The following STK32C variants were observed in gnomAD, a reference collection of about 807,000 sequenced individuals.
STK32C encodes the protein serine/threonine-protein kinase 32C.
Under a neutral mutation model 56.5 loss-of-function variants are expected in STK32C, and 31 were observed. That is an observed-to-expected ratio of 0.55 (90% CI 0.41 to 0.74). The LOEUF (loss-of-function observed/expected upper bound fraction) is 0.74, where lower values mean the gene tolerates loss of function less well. Ranked by LOEUF, STK32C falls within the 30% of genes least tolerant of loss-of-function variation. STK32C has a pLI of 0.00. For missense variants in STK32C, 544 were observed against 676.9 expected (o/e 0.80, Z 2.18); for synonymous variants, 309 against 289.4 (o/e 1.07, Z -0.69).
At chr10:132,224,546 G>C in intron 7 of STK32C, 23 bp from the exon 8 acceptor site, 1 of 1,560,004 alleles carries the variant, frequency 6.4e-7, no homozygotes, top group Non-Finnish European at 8.7e-7. Context: ...AGGCAGTGCT[G>C]GGCAGGTCCT....
chr10:132,292,331 G>A (rs561688844), intron 1 of STK32C, among the ~76,000 whole-genome samples: 3 of 152,198 alleles, frequency 2.0e-5, no homozygotes, highest in South Asian at 2.1e-4. Context: ...CCTGGGTATC[G>A]GCCTCGGCCT....
intron 10 of STK32C, among the ~76,000 whole-genome samples, chr10:132,210,523 C>T (rs1033591390): frequency 1.3e-5 from 2 of 152,238 alleles, no homozygotes; most frequent in Admixed American, 1.3e-4. Context: ...GCTGAGATTA[C>T]AGGCGTGAGC....
chr10:132,241,314 C>T (rs1218849860), intron 2 of STK32C, among the ~76,000 whole-genome samples: 1 of 152,218 alleles, frequency 6.6e-6, no homozygotes, highest in East Asian at 1.9e-4. Flanking sequence ...GGCTCAGGGC[C>T]AGGCAGTGGC....
At chr10:132,297,752 C>T (rs1396762536) in intron 1 of STK32C, among the ~76,000 whole-genome samples, 6 of 152,268 alleles carry the variant, frequency 3.9e-5, no homozygotes, top group Non-Finnish European at 2.9e-5. Context: ...GCCAGAGCTC[C>T]GAGACTCCCC....
At chr10:132,227,505 C>A (rs1003471496) in intron 3 of STK32C, among the ~76,000 whole-genome samples, 1 of 150,910 alleles carries the variant, frequency 6.6e-6, no homozygotes, top group African/African-American at 2.4e-5. Context: ...TGATTGTGGT[C>A]GTGGTGGTGG....
rs530314538 is a variant in STK32C at position 132,330,508 on chromosome 10, T to A, written c.301+928A>T. ...TTCCTGATTGGTAGATAGTTGGGTA[T>A]GTACGAAAACTTTTTTTTTGAGACA... On this transcript the variant is annotated intron_variant, in intron 1 of 1. Transcript: ENST00000368619. 14 of 716,948 alleles carry A rather than the reference T, an allele frequency of 2.0e-5. No homozygotes were observed. The South Asian group carries it at 2.1e-4, about 11-fold the overall frequency. 44.4% of individuals were successfully genotyped at this position (716,948 alleles called of 1,614,324 possible). A position where few individuals can be genotyped will look rare whatever the true frequency, so the allele number is the denominator to read the frequency against.
rs562333856 is a variant in STK32C, at chr10:132,213,836, G to A, written c.1252-4735C>T. 1.4e-3 allele frequency among the ~76,000 whole-genome samples: 215 copies of A among 152,314 alleles called. 1 individual carries two copies. Among genetic ancestry groups the A allele is most frequent in the Non-Finnish European group, 2.0e-3 (134 of 68,032 alleles). On this transcript the variant is annotated intron_variant, in intron 10 of 11. Coordinates refer to ENST00000298630, the MANE Select transcript of STK32C (RefSeq NM_173575.4). The stretch of plus-strand genomic sequence containing the variant: ...TGGAAACTCCAAGGAGGGATCAAAA[G>A]GAAATGCTGGAAGTAGAAAACACTG...
At chr10:132,249,811 A>AC (rs2063832883) in intron 1 of STK32C, among the ~76,000 whole-genome samples, 1 of 152,142 alleles carries the variant, frequency 6.6e-6, no homozygotes, top group Non-Finnish European at 1.5e-5. Flanking sequence ...GCCATCAGCA[A>AC]CCCATGAGGG....
At chr10:132,328,011 A>G (rs2066533161) in intron 1 of STK32C, among the ~76,000 whole-genome samples, 1 of 152,114 alleles carries the variant, frequency 6.6e-6, no homozygotes, top group Admixed American at 6.6e-5. Context: ...GGGCTGGAAT[A>G]AGTCTCTTGC....
In STK32C at chr10:132,226,014, C is replaced by T. The variant is rs370411718; in HGVS notation, c.645-230G>A. 4.9e-4 allele frequency among the ~76,000 whole-genome samples: 74 copies of T among 152,370 alleles called. 1 individual carries two copies. The highest frequency in any genetic ancestry group is 1.4e-3 in the African/African-American group (57 of 41,592). On this transcript the variant is annotated intron_variant, in intron 4 of 11. Transcript: ENST00000298630. ...CCTGTGGCATCTGGGCAGCAGCACA[C>T]ACCTGGCACCAGATGCTGGGAGGGG...
At chr10:132,224,004 G>A (rs2062779962) in intron 8 of STK32C, among the ~76,000 whole-genome samples, 1 of 152,218 alleles carries the variant, frequency 6.6e-6, no homozygotes, top group African/African-American at 2.4e-5. Context: ...GAGGCACTGG[G>A]GCAAAGGGTC....
rs546765609 is a variant in STK32C at position 132,210,609 on chromosome 10, C to T, written c.1252-1508G>A. ...GTACTCTGGACACCCTGTAAACCCA[C>T]GAACAGAGTGTGGGAGATGCAGAAG... On this transcript the variant is annotated intron_variant, in intron 10 of 11. Coordinates refer to ENST00000298630, the MANE Select transcript of STK32C (RefSeq NM_173575.4). Among the ~76,000 whole-genome samples the T allele has an allele frequency of 1.9e-4, 29 of 152,354 alleles. No individual in the cohort carries two copies. In the South Asian group the frequency reaches 6.0e-3, roughly 32 times the overall value.
At chr10:132,301,517 G>T (rs992625428) in intron 1 of STK32C, among the ~76,000 whole-genome samples, 1 of 152,288 alleles carries the variant, frequency 6.6e-6, no homozygotes, top group East Asian at 1.9e-4. Context: ...GGAAGACAAG[G>T]CCCCGCAGTG....
At position 132,238,510 on chromosome 10, in the gene STK32C, G is replaced by T. The variant is rs143819217; in HGVS notation, c.318+7390C>A. ...AAAGGCGGGGAAAGCCAGGTGAGCA[G>T]GTTTGAGACTGGCCTGTGGGAATAC... On this transcript the variant is annotated intron_variant, in intron 2 of 11. Coordinates refer to ENST00000298630, the MANE Select transcript of STK32C (RefSeq NM_173575.4). Among the ~76,000 whole-genome samples, 53 of 152,320 alleles carry T rather than the reference G, an allele frequency of 3.5e-4. No homozygotes were observed. In the East Asian group the frequency reaches 9.6e-3, roughly 28 times the overall value.
At chr10:132,309,626 G>A (rs993537513), upstream of STK32C, among the ~76,000 whole-genome samples, 1 of 152,160 alleles carries the variant, frequency 6.6e-6, no homozygotes, top group Non-Finnish European at 1.5e-5. Flanking sequence ...CAGCAGGCAC[G>A]CAGAAGGCAG....
At chr10:132,304,590 G>A (rs2066002514) in intron 1 of STK32C, among the ~76,000 whole-genome samples, 1 of 152,220 alleles carries the variant, frequency 6.6e-6, no homozygotes, top group Non-Finnish European at 1.5e-5. Flanking sequence ...GGCTGTACCT[G>A]GGACTGTATT....
At position 132,208,026 on chromosome 10, in the gene STK32C, G is replaced by A. The variant is rs140872038; in HGVS notation, c.1445C>T (p.Ser482Leu). ...CGTCCCGGCCTAGCCGCTCCCGGCC[G>A]AGGGGCAAATGGGGCCGCACATGGG... Reference protein sequence around the residue: ...ALPMCGPICPSAGSG With the variant: ...ALPMCGPICPLAGSG The change falls in exon 12 of 12, where the codon TCG (serine) becomes TTG (leucine). Residue 482 changes from serine to leucine, a missense_variant. Ser to Leu is a moderately radical substitution (Grantham distance 145). Transcript: ENST00000298630. 9.2e-5 allele frequency: 121 copies of A among 1,309,946 alleles called. No homozygotes were observed. Among genetic ancestry groups the A allele is most frequent in the African/African-American group, 4.4e-4 (29 of 66,374 alleles). 81.1% of individuals were successfully genotyped at this position (1,309,946 alleles called of 1,614,324 possible). A position where few individuals can be genotyped will look rare whatever the true frequency, so the allele number is the denominator to read the frequency against.
In STK32C at chr10:132,246,693, G is replaced by C. The variant is rs72856740; in HGVS notation, c.263-738C>G. ...TGTCCGTGTGCCCTATTCACACCAAGGAAAGGGATTCTGATGGGCTTTCCA... is the reference window on the plus strand; with the variant it reads ...TGTCCGTGTGCCCTATTCACACCAACGAAAGGGATTCTGATGGGCTTTCCA... On this transcript the variant is annotated intron_variant, in intron 1 of 11. Transcript: ENST00000298630. 5.0e-3 allele frequency among the ~76,000 whole-genome samples: 766 copies of C among 152,300 alleles called. 10 individuals are homozygous for C. The highest frequency in any genetic ancestry group is 0.035 in the South Asian group (170 of 4,830).
chr10:132,208,878 C>T (rs1314505397), intron 11 of STK32C, among the ~76,000 whole-genome samples, 156 bp downstream of exon 11: 1 of 152,152 alleles, frequency 6.6e-6, no homozygotes, highest in Non-Finnish European at 1.5e-5. Flanking sequence ...GGCCTCCCGC[C>T]GCTCCCCTCC....
Sources: allele counts gnomAD v4.1 joint callset (sites outside exome capture counted in the v4.1 genomes callset), GRCh38; gene constraint gnomAD v4.1.1; transcripts MANE v1.5; gene names NCBI Gene and HGNC (gene_info 2026-07-23, HGNC 2026-07-21).